TRPM3: variants seen among roughly 807,000 people sequenced by gnomAD.
TRPM3 encodes the protein transient receptor potential cation channel subfamily M member 3, also known as long transient receptor potential channel 3.
TRPM3 carries 77 observed loss-of-function variants against 181.2 expected under a neutral mutation model. The observed-to-expected ratio is 0.42, with a 90% CI of 0.35 to 0.51. The LOEUF is 0.51. Among genes scored for constraint, TRPM3 ranks in the 20% least tolerant of loss-of-function variants. The pLI, the probability that TRPM3 is intolerant of heterozygous loss-of-function variation, is 0.01. For missense variants in TRPM3, 1,759 were observed against 2,196.7 expected (o/e 0.80, Z 3.98); for synonymous variants, 745 against 796.4 (o/e 0.94, Z 1.09).
intron 3 of TRPM3, among the ~76,000 whole-genome samples, chr9:70,857,364 G>C (rs770288164): frequency 2.6e-5 from 4 of 152,070 alleles, no homozygotes; most frequent in Non-Finnish European, 4.4e-5. Flanking sequence ...TCAAGCCTGG[G>C]AACGGAGGAC....
At chr9:70,675,351 C>T (rs1250273771) in intron 9 of TRPM3, among the ~76,000 whole-genome samples, 1 of 152,208 alleles carries the variant, frequency 6.6e-6, no homozygotes, top group East Asian at 1.9e-4. Flanking sequence ...TCCACTCGGC[C>T]TCCCAAAGTG....
chr9:71,261,955 C>T (rs189917287), intron 1 of TRPM3, among the ~76,000 whole-genome samples: 97 of 152,278 alleles, frequency 6.4e-4, no homozygotes, highest in African/African-American at 2.2e-3. Context: ...TGTTGGGAGG[C>T]GTTTCCCTGT....
rs188424850 is a variant in TRPM3, at chr9:71,147,367, A to G, written c.184-282856T>C. On this transcript the variant is annotated intron_variant, in intron 1 of 24. Coordinates refer to the TRPM3 transcript ENST00000357533. ...GCTTCTTGCCTTTAAGGAGTTCACC[A>G]TTTATTTACTGAGACACACTACCAC... Among the ~76,000 whole-genome samples, 244 of 151,716 alleles carry G rather than the reference A, an allele frequency of 1.6e-3. 2 individuals carry two copies. In the East Asian group the frequency reaches 0.026, roughly 16 times the overall value.
At chr9:71,378,270 C>A (rs2092712656) in intron 1 of TRPM3, among the ~76,000 whole-genome samples, 1 of 152,090 alleles carries the variant, frequency 6.6e-6, no homozygotes, top group Non-Finnish European at 1.5e-5. Context: ...CCATTATATA[C>A]ACACTGAAAT....
At chr9:71,446,005 C>T (rs2094198801) in intron 1 of TRPM3, among the ~76,000 whole-genome samples, 1 of 152,150 alleles carries the variant, frequency 6.6e-6, no homozygotes, top group African/African-American at 2.4e-5. Context: ...CATATGATGC[C>T]TATATTAATT....
chr9:71,316,090 T>C (rs1210927312), intron 1 of TRPM3, among the ~76,000 whole-genome samples: 1 of 152,184 alleles, frequency 6.6e-6, no homozygotes, highest in Non-Finnish European at 1.5e-5. Flanking sequence ...CTACCCAGAT[T>C]GGGAAACAGA....
chr9:70,862,274 T>C (rs1450536126), intron 3 of TRPM3, among the ~76,000 whole-genome samples: 2 of 152,098 alleles, frequency 1.3e-5, no homozygotes, highest in African/African-American at 2.4e-5. Context: ...TGATGAAAGG[T>C]GAAATTTAAA....
intron 19 of TRPM3, among the ~76,000 whole-genome samples, chr9:70,607,731 C>T (rs945337453): frequency 6.6e-6 from 1 of 152,178 alleles, no homozygotes; most frequent in Admixed American, 6.5e-5. Flanking sequence ...ACAAAACTCC[C>T]TTGTCATCAT....
chr9:70,806,958 C>A (rs7020795), intron 6 of TRPM3, among the ~76,000 whole-genome samples: 42,523 of 152,054 alleles, frequency 0.28, 7,614 homozygotes, highest in African/African-American at 0.51. Flanking sequence ...ATGATTATCT[C>A]AAGCAAATTA....
intron 1 of TRPM3, among the ~76,000 whole-genome samples, chr9:71,279,034 T>TAAAAAAAAAAAAAAAAAAAAAAA (rs200421016): frequency 1.1e-4 from 5 of 47,572 alleles, no homozygotes; most frequent in African/African-American, 5.2e-4. Flanking sequence ...CCTGCTTAGG[T>TAAAAAAAAAAAAAAAAAAAAAAA]TAAAAAAAAT....
intron 16 of TRPM3, among the ~76,000 whole-genome samples, chr9:70,619,406 CTTTTTTTTTTT>C (rs1170887633): frequency 1.2e-4 from 10 of 81,418 alleles, no homozygotes; most frequent in East Asian, 3.8e-4. Context: ...TCGTCGTCTT[CTTTTTTTTTTT>C]TTTTTTTTTT....
In TRPM3 at chr9:70,535,615, A is replaced by C; in HGVS notation, c.*338T>G. 2.7e-6 allele frequency: 4 copies of C among 1,467,004 alleles called. No individual in the cohort carries two copies. Among genetic ancestry groups the C allele is most frequent in the Non-Finnish European group, 1.8e-6 (2 of 1,116,256 alleles). The allele number at this position is 1,467,004 out of a possible 1,614,324, so 90.9% of individuals were successfully genotyped here. A position where few individuals can be genotyped will look rare whatever the true frequency, so the allele number is the denominator to read the frequency against. On this transcript the variant is annotated 3_prime_UTR_variant, in exon 26 of 26. Coordinates refer to ENST00000677713, the MANE Select transcript of TRPM3 (RefSeq NM_001366145.2). ...AATCAACAGATGCCTCCTGGCATGG[A>C]GCGTGCTCGAAGCCCCTTGTTTCCC...
chr9:71,133,133 G>T (rs896511636), intron 1 of TRPM3, among the ~76,000 whole-genome samples: 6 of 151,828 alleles, frequency 4.0e-5, no homozygotes, highest in Non-Finnish European at 7.4e-5. Flanking sequence ...GTATAAGAAC[G>T]TCCTTATTAG....
chr9:71,278,534 T>G (rs1314693390), intron 1 of TRPM3, among the ~76,000 whole-genome samples: 1 of 152,194 alleles, frequency 6.6e-6, no homozygotes, highest in African/African-American at 2.4e-5. Context: ...GAAACACAAT[T>G]CTTAAACAGT....
chr9:70,978,373 C>T (rs1327157989), intron 1 of TRPM3, among the ~76,000 whole-genome samples: 1 of 152,136 alleles, frequency 6.6e-6, no homozygotes, highest in Non-Finnish European at 1.5e-5. Context: ...TAAGAAAAAC[C>T]AGCCCATGAC....
chr9:70,633,799 A>G (rs2066358518), intron 12 of TRPM3, among the ~76,000 whole-genome samples: 1 of 152,200 alleles, frequency 6.6e-6, no homozygotes, highest in Non-Finnish European at 1.5e-5. Flanking sequence ...TGTATTTTTG[A>G]CTTCACTTTG....
chr9:70,549,757 A>G lies in TRPM3; in HGVS notation c.3575-83T>C, dbSNP rs1197418340. 14 of 1,425,296 alleles carry G rather than the reference A, an allele frequency of 9.8e-6. No homozygotes were observed. In the East Asian group the frequency reaches 1.7e-4, roughly 17 times the overall value. The allele number at this position is 1,425,296 out of a possible 1,614,324, so 88.3% of individuals were successfully genotyped here. A position where few individuals can be genotyped will look rare whatever the true frequency, so the allele number is the denominator to read the frequency against. On this transcript the variant is annotated intron_variant, in intron 24 of 25. Coordinates refer to ENST00000677713, the MANE Select transcript of TRPM3 (RefSeq NM_001366145.2). ...GATTTGTGGGCCTAGTGACATTCTCAGTATAAATCTAGGTGGGAAAAGGGG... is the reference window on the plus strand; with the variant it reads ...GATTTGTGGGCCTAGTGACATTCTCGGTATAAATCTAGGTGGGAAAAGGGG...
chr9:70,848,547 A>G (rs2095079512), intron 3 of TRPM3, among the ~76,000 whole-genome samples: 1 of 152,204 alleles, frequency 6.6e-6, no homozygotes, highest in Non-Finnish European at 1.5e-5. Flanking sequence ...ATCACATGTA[A>G]CACCAAAGGG....
chr9:70,901,130 A>G (rs2096379585), intron 1 of TRPM3, among the ~76,000 whole-genome samples: 2 of 152,318 alleles, frequency 1.3e-5, no homozygotes, highest in South Asian at 4.1e-4. Context: ...GAAAGAAACA[A>G]TGGGTGGGGA....
Sources: gnomAD v4.1 joint callset for allele counts (sites outside exome capture counted in the v4.1 genomes callset) on GRCh38, gnomAD v4.1.1 for gene constraint, MANE v1.5 for transcripts, NCBI Gene and HGNC (gene_info 2026-07-23, HGNC 2026-07-21) for gene names.